Variants in FLI1 observed in about 807,000 individuals in gnomAD.
FLI1 encodes Friend leukemia integration 1 transcription factor.
A neutral mutation model predicts 53.1 loss-of-function variants in FLI1; 13 were observed. The ratio of observed to expected loss-of-function variants is 0.24; its 90% CI spans 0.16 to 0.39. The LOEUF is 0.39. Among genes scored for constraint, FLI1 ranks in the 10% least tolerant of loss-of-function variants. The pLI is 1.00. For missense variants in FLI1, 424 were observed against 600.5 expected (o/e 0.71, Z 3.07); for synonymous variants, 244 against 236.7 (o/e 1.03, Z -0.28).
chr11:128,688,169 T>C (rs1937612297), intron 1 of FLI1, among the ~76,000 whole-genome samples: 1 of 151,392 alleles, frequency 6.6e-6, no homozygotes, highest in African/African-American at 2.4e-5. Flanking sequence ...AACCCTCGAG[T>C]CCATACACAC....
intron 1 of FLI1, among the ~76,000 whole-genome samples, chr11:128,717,912 T>C (rs1393014160): frequency 6.6e-6 from 1 of 152,198 alleles, no homozygotes; most frequent in African/African-American, 2.4e-5. Flanking sequence ...CACACCACAG[T>C]GCACTGTAGA....
chr11:128,701,233 C>T (rs1938319273), intron 1 of FLI1, among the ~76,000 whole-genome samples: 1 of 152,134 alleles, frequency 6.6e-6, no homozygotes, highest in Non-Finnish European at 1.5e-5. Flanking sequence ...GGGATTTCAC[C>T]ATGAGCAATC....
Position 128,688,250 on chromosome 11 carries a change from C to T in FLI1, c.-203+1549C>T, listed in dbSNP as rs1000316765. 3.9e-5 allele frequency among the ~76,000 whole-genome samples: 6 copies of T among 152,196 alleles called. No homozygotes were observed. The South Asian group carries it at 1.2e-3, about 31-fold the overall frequency. On this transcript the variant is annotated intron_variant, in intron 1 of 6. Coordinates refer to the FLI1 transcript ENST00000344954. ...TGGGAGCCCCGGAACCCGACTCAGGCCACGGGTCAGGGACAAAGCGGAGGC... is the reference window on the plus strand; with the variant it reads ...TGGGAGCCCCGGAACCCGACTCAGGTCACGGGTCAGGGACAAAGCGGAGGC...
intron 6 of FLI1, chr11:128,805,638 G>A: frequency 1.9e-6 from 1 of 532,582 alleles, no homozygotes; most frequent in East Asian, 3.1e-5. Flanking sequence ...TTTGAGTTTT[G>A]TTTTATTGCG....
intron 2 of FLI1, among the ~76,000 whole-genome samples, chr11:128,763,912 G>C (rs1941227695): frequency 6.6e-6 from 1 of 152,194 alleles, no homozygotes; most frequent in South Asian, 2.1e-4. Context: ...AAACAAAAAA[G>C]TCACATCTAT....
intron 5 of FLI1, among the ~76,000 whole-genome samples, chr11:128,794,282 T>C (rs2268597): frequency 0.1 from 15,359 of 152,248 alleles, 931 homozygotes; most frequent in East Asian, 0.27. Context: ...AGGACAGGCC[T>C]ATAATGCTCT....
chr11:128,685,160 T>C (rs540730703), upstream of FLI1, among the ~76,000 whole-genome samples: 2 of 152,352 alleles, frequency 1.3e-5, no homozygotes, highest in South Asian at 4.1e-4. Context: ...GCACAGCGGC[T>C]CCTGCAGCCC....
chr11:128,782,115 G>C lies in FLI1; in HGVS notation c.655+92G>C, dbSNP rs1379482121. On this transcript the variant is annotated intron_variant, in intron 5 of 8. Transcript: ENST00000527786. ...TAAGGTTGTTGCAGAAAACCAGCTT[G>C]CGTGTTCCACTCAACTTTTCCTAGC... 35 of 1,197,652 alleles carry C rather than the reference G, an allele frequency of 2.9e-5. No homozygotes were observed. The East Asian group carries it at 4.7e-4, about 16-fold the overall frequency. 74.2% of individuals were successfully genotyped at this position (1,197,652 alleles called of 1,614,324 possible).
chr11:128,771,376 C>T (rs536170146), intron 3 of FLI1, among the ~76,000 whole-genome samples: 15 of 152,322 alleles, frequency 9.8e-5, no homozygotes, highest in African/African-American at 3.4e-4. Flanking sequence ...GCAGACTACT[C>T]GGGCCCTGCC....
chr11:128,711,924 T>A (rs73013595), intron 1 of FLI1, among the ~76,000 whole-genome samples: 3,554 of 152,326 alleles, frequency 0.023, 50 homozygotes, highest in Non-Finnish European at 0.036. Context: ...TGTCTTTTTT[T>A]AAAAAAATTT....
rs575841109 is a variant in FLI1 at position 128,741,627 on chromosome 11, G to A, written c.19-16488G>A. On this transcript the variant is annotated intron_variant, in intron 1 of 8. Transcript: ENST00000527786. ...TGTCCCCTTCTCCTTCTTGCTGTGTGATCTGCAGAGGAGGGGATAAAAGGC... is the reference window on the plus strand; with the variant it reads ...TGTCCCCTTCTCCTTCTTGCTGTGTAATCTGCAGAGGAGGGGATAAAAGGC... Among the ~76,000 whole-genome samples the A allele has an allele frequency of 4.0e-4, 61 of 152,324 alleles. 1 individual carries two copies. The highest frequency in any genetic ancestry group is 1.4e-3 in the African/African-American group (60 of 41,568).
At chr11:128,747,774 A>G (rs1365171739) in intron 1 of FLI1, among the ~76,000 whole-genome samples, 2 of 152,212 alleles carry the variant, frequency 1.3e-5, no homozygotes, top group Non-Finnish European at 1.5e-5. Flanking sequence ...TGCCATCTAG[A>G]AAAAGCCACT....
chr11:128,810,794 C>T lies in FLI1; in HGVS notation c.1165C>T (p.Pro389Ser), dbSNP rs1408952807. 1 of 1,614,064 alleles carries T rather than the reference C, an allele frequency of 6.2e-7. No homozygotes were observed. The highest frequency in any genetic ancestry group is 1.7e-5 in the Admixed American group (1 of 60,034). The change falls in exon 9 of 9, where the codon CCT (proline) becomes TCT (serine). Residue 389 changes from proline to serine, a missense_variant. By Grantham distance (74) the Pro-to-Ser change is moderately conservative. This residue lies in a region of FLI1 where 87 missense variants were observed against 100.0 expected (regional missense o/e 0.87). Transcript: ENST00000527786. The surrounding 1 kb of genome is among the most constrained non-coding windows in gnomAD (Gnocchi z 6.6). Reference protein sequence around the residue: ...YKYPSDISYMPSYHAHQQKVN... With the variant: ...YKYPSDISYMSSYHAHQQKVN... ...GTACCCTTCTGACATCTCCTACATG[C>T]CTTCCTACCATGCCCACCAGCAGAA...
At chr11:128,805,824 T>C (rs1475645429) in intron 6 of FLI1, 1 of 168,644 alleles carries the variant, frequency 5.9e-6, no homozygotes, top group Non-Finnish European at 1.3e-5. Flanking sequence ...TTCCCCTTGA[T>C]ACTGGGTAGA....
At chr11:128,709,933 A>C (rs1240702348) in intron 1 of FLI1, among the ~76,000 whole-genome samples, 1 of 152,238 alleles carries the variant, frequency 6.6e-6, no homozygotes, top group African/African-American at 2.4e-5. Flanking sequence ...GTCTGTATTA[A>C]GTGTAAATGC....
intron 1 of FLI1, among the ~76,000 whole-genome samples, 163 bp downstream of exon 1, chr11:128,694,439 A>G (rs1376016205): frequency 6.6e-6 from 1 of 151,442 alleles, no homozygotes; most frequent in African/African-American, 2.4e-5. Flanking sequence ...GGCGAGTCCT[A>G]CTCGCGGGCC....
chr11:128,729,791 G>A (rs974439211), intron 1 of FLI1, among the ~76,000 whole-genome samples: 1 of 152,194 alleles, frequency 6.6e-6, no homozygotes, highest in African/African-American at 2.4e-5. Context: ...GGTACTGGCT[G>A]GTGGGACTGT....
At chr11:128,685,136 C>A (rs574732531), upstream of FLI1, among the ~76,000 whole-genome samples, 16 of 152,346 alleles carry the variant, frequency 1.1e-4, no homozygotes, top group South Asian at 6.2e-4. Context: ...AGCTTCAGTG[C>A]ACGCATAGCT....
At chr11:128,695,034 C>G (rs944035389) in intron 1 of FLI1, among the ~76,000 whole-genome samples, 1 of 151,980 alleles carries the variant, frequency 6.6e-6, no homozygotes, top group Non-Finnish European at 1.5e-5. Flanking sequence ...TAGGCGTGCG[C>G]CGGCTCCAGG....
Sources: gnomAD v4.1 joint callset for allele counts (sites outside exome capture counted in the v4.1 genomes callset) on GRCh38, gnomAD v4.1.1 for gene constraint, gnomAD v4.1.1 regional missense constraint, Gnocchi (gnomAD v3.1) non-coding constraint, MANE v1.5 for transcripts, NCBI Gene and HGNC (gene_info 2026-07-23, HGNC 2026-07-21) for gene names.